Variants in PHLPP2 observed in about 807,000 individuals in gnomAD.
PHLPP2 encodes the protein PH domain leucine-rich repeat-containing protein phosphatase 2.
A neutral mutation model predicts 124.9 loss-of-function variants in PHLPP2; 66 were observed. That is an observed-to-expected ratio of 0.53 (90% CI 0.43 to 0.65). The LOEUF is 0.65. Among genes scored for constraint, PHLPP2 ranks in the 30% least tolerant of loss-of-function variants. The probability of loss-of-function intolerance (pLI) is 0.00; values close to 1 mark genes in which losing one functional copy is unlikely to be tolerated. For synonymous variants in PHLPP2, 681 were observed against 624.7 expected (o/e 1.09, Z -1.34); for missense variants, 1,685 against 1,600.4 (o/e 1.05, Z -0.90).
At position 71,662,148 on chromosome 16, in the gene PHLPP2, C is replaced by T. The variant is rs191823858; in HGVS notation, c.1985+1751G>A. The stretch of plus-strand genomic sequence containing the variant: ...CTACAAGTAAAAGGTTAGTCGGGTG[C>T]GGGCCGGGCGCAGTGGCTCACACCT... On this transcript the variant is annotated intron_variant, in intron 13 of 18. Coordinates refer to ENST00000568954, the MANE Select transcript of PHLPP2 (RefSeq NM_015020.3). Among the ~76,000 whole-genome samples, 210 of 149,896 alleles carry T rather than the reference C, an allele frequency of 1.4e-3. 2 individuals carry two copies. The highest frequency in any genetic ancestry group is 0.014 in the Middle Eastern group (4 of 292).
chr16:71,707,411 G>C (rs563576764), intron 2 of PHLPP2, among the ~76,000 whole-genome samples: 14 of 152,178 alleles, frequency 9.2e-5, no homozygotes, highest in African/African-American at 3.4e-4. Flanking sequence ...CCCAGTTTAT[G>C]CTAAGAGATG....
chr16:71,681,886 C>G lies in PHLPP2; in HGVS notation c.755G>C (p.Ser252Thr). The change falls in exon 6 of 19, where the codon AGT becomes ACT. Residue 252 changes from serine (S) to threonine (T), a missense_variant. Transcript: ENST00000568954. ...GCTGTAACACGAGAGATCCACGGTA[C>G]TGATTCGCTGGGACACCACCTGAAT... ...QASKVVSQRISTVDLSCYSLE... is the reference protein window; with the variant it reads ...QASKVVSQRITTVDLSCYSLE... 6.2e-7 allele frequency: 1 copy of G among 1,612,252 alleles called. No homozygotes were observed.
Position 71,664,085 on chromosome 16 carries a change from T to C in PHLPP2, c.1799A>G (p.Asn600Ser). Reference protein sequence around the residue: ...FSKALNLRYLNASANSLESLP... With the variant: ...FSKALNLRYLSASANSLESLP... The stretch of plus-strand genomic sequence containing the variant: ...AGACTCCAGACTATTTGCAGATGCA[T>C]TCAAGTATCTGAGACTGACAGAACA... Residue 600 changes from asparagine (N) to serine (S), a missense_variant, in exon 13 of 19, where the codon AAT becomes AGT. Transcript: ENST00000568954. 8 of 1,611,902 alleles carry C rather than the reference T, an allele frequency of 5.0e-6. No homozygotes were observed. The highest frequency in any genetic ancestry group is 6.8e-6 in the Non-Finnish European group (8 of 1,177,962).
At chr16:71,687,220 C>T (rs1195912641) in intron 4 of PHLPP2, among the ~76,000 whole-genome samples, 1 of 152,118 alleles carries the variant, frequency 6.6e-6, no homozygotes, top group Non-Finnish European at 1.5e-5. Context: ...GCTTTGGTGA[C>T]AGGTCTCTTC....
At chr16:71,697,848 A>AT (rs142040816) in intron 3 of PHLPP2, among the ~76,000 whole-genome samples, 44,286 of 119,002 alleles carry the variant, frequency 0.37, 8,770 homozygotes, top group East Asian at 0.75. Context: ...AGGAAGTAGG[A>AT]TTTTTTTTTT....
In PHLPP2 at chr16:71,658,295, T is replaced by C. The variant is rs1442078406; in HGVS notation, c.2217A>G (p.Gln739=). 2 of 1,613,858 alleles carry C rather than the reference T, an allele frequency of 1.2e-6. No homozygotes were observed. The highest frequency in any genetic ancestry group is 1.7e-5 in the Admixed American group (1 of 60,028). ...TTGTATTTCCAGTCAGGTCAAGGTCTTGTAATGTAGCAGGCAAAGCCTCTG... is the reference window on the plus strand; with the variant it reads ...TTGTATTTCCAGTCAGGTCAAGGTCCTGTAATGTAGCAGGCAAAGCCTCTG... ...LIPEALPATL[Q]DLDLTGNTNL... The change falls in exon 15 of 19, where the codon CAA becomes CAG. Residue 739 remains glutamine (Q), a synonymous_variant. Transcript: ENST00000568954.
At chr16:71,651,760 C>G (rs552281402) in intron 18 of PHLPP2, among the ~76,000 whole-genome samples, 1 of 152,230 alleles carries the variant, frequency 6.6e-6, no homozygotes, top group East Asian at 1.9e-4. Context: ...GTCAACTGAT[C>G]TCTGAAAATC....
At chr16:71,715,015 T>C (rs1205574922) in intron 1 of PHLPP2, 1 of 588,090 alleles carries the variant, frequency 1.7e-6, no homozygotes, top group Admixed American at 3.3e-5. Flanking sequence ...ATCCATCATC[T>C]TCGTTGACCT....
Position 71,648,711 on chromosome 16 carries a change from C to T in PHLPP2, c.*179G>A. 1.7e-6 allele frequency: 1 copy of T among 591,602 alleles called. No homozygotes were observed. Among genetic ancestry groups the T allele is most frequent in the South Asian group, 2.2e-5 (1 of 45,554 alleles). 36.6% of individuals were successfully genotyped at this position (591,602 alleles called of 1,614,324 possible). ...GGCTTGAACCCAGGGACAGAGGCTG[C>T]AGTGACCCGAGACCCCACCATTGCA... On this transcript the variant is annotated 3_prime_UTR_variant, in exon 19 of 19. Transcript: ENST00000568954.
At chr16:71,680,478 T>G (rs530793420) in intron 6 of PHLPP2, among the ~76,000 whole-genome samples, 8 of 152,220 alleles carry the variant, frequency 5.3e-5, no homozygotes, top group Non-Finnish European at 1.2e-4. Context: ...TACCCAGAGA[T>G]AGCATTGTTA....
chr16:71,691,272 G>A (rs1434632611), intron 3 of PHLPP2, among the ~76,000 whole-genome samples: 2 of 151,998 alleles, frequency 1.3e-5, no homozygotes, highest in Non-Finnish European at 2.9e-5. Flanking sequence ...GGCTAGCACG[G>A]TGAAACCCCG....
chr16:71,653,060 G>A (rs775422308), intron 17 of PHLPP2, 39 bp from the exon 18 acceptor site: 2 of 1,088,536 alleles, frequency 1.8e-6, no homozygotes, highest in South Asian at 2.5e-5. Context: ...GTGGTGGCTA[G>A]TTTTAGAAGA....
intron 1 of PHLPP2, among the ~76,000 whole-genome samples, chr16:71,717,247 T>C (rs1199842162): frequency 1.3e-5 from 2 of 152,178 alleles, no homozygotes; most frequent in African/African-American, 4.8e-5. Flanking sequence ...AGATTAAATA[T>C]TTGAGGGTAA....
intron 3 of PHLPP2, among the ~76,000 whole-genome samples, chr16:71,697,336 G>A (rs982271569): frequency 1.3e-5 from 2 of 152,030 alleles, no homozygotes; most frequent in Non-Finnish European, 2.9e-5. Flanking sequence ...CACACTGGGG[G>A]TTTTAGGAAC....
chr16:71,695,856 C>G (rs1049178442), intron 3 of PHLPP2, among the ~76,000 whole-genome samples: 2 of 152,032 alleles, frequency 1.3e-5, no homozygotes, highest in Non-Finnish European at 2.9e-5. Flanking sequence ...CCATATGGTT[C>G]TATGAATATA....
chr16:71,716,023 C>G (rs976736514), intron 1 of PHLPP2, among the ~76,000 whole-genome samples: 1 of 151,788 alleles, frequency 6.6e-6, no homozygotes, highest in Non-Finnish European at 1.5e-5. Context: ...ATCTATAAAC[C>G]ATACACAGTA....
At chr16:71,655,461 A>C in intron 16 of PHLPP2, 27 bp from the exon 17 acceptor site, 4 of 1,531,680 alleles carry the variant, frequency 2.6e-6, no homozygotes, top group Non-Finnish European at 3.6e-6. Flanking sequence ...AAAACAGAAA[A>C]CAGAAAAGTT....
intron 10 of PHLPP2, among the ~76,000 whole-genome samples, chr16:71,670,695 A>ACACACACACAC (rs372978115): frequency 1.6e-5 from 2 of 129,024 alleles, no homozygotes; most frequent in African/African-American, 5.9e-5. Flanking sequence ...AGAGGCTGAA[A>ACACACACACAC]ACACACACAC....
intron 2 of PHLPP2, among the ~76,000 whole-genome samples, chr16:71,704,588 C>T (rs2045260169): frequency 6.6e-6 from 1 of 152,042 alleles, no homozygotes. Flanking sequence ...AGTATTTTAG[C>T]TTCCAGAAAC....
Sources: gnomAD v4.1 joint callset for allele counts (sites outside exome capture counted in the v4.1 genomes callset) on GRCh38, gnomAD v4.1.1 for gene constraint, MANE v1.5 for transcripts, NCBI Gene and HGNC (gene_info 2026-07-23, HGNC 2026-07-21) for gene names.